SLC38A9: variants seen among roughly 807,000 people sequenced by gnomAD.
SLC38A9 encodes solute carrier family 38 member 9.
A neutral mutation model predicts 62.3 loss-of-function variants in SLC38A9; 48 were observed. The ratio of observed to expected loss-of-function variants is 0.77; its 90% CI spans 0.61 to 0.98. SLC38A9 has a LOEUF of 0.98. Among genes scored for constraint, SLC38A9 ranks in the 50% least tolerant of loss-of-function variants. SLC38A9 has a pLI of 0.00. For missense variants in SLC38A9, 541 were observed against 679.8 expected (o/e 0.80, Z 2.27); for synonymous variants, 204 against 227.7 (o/e 0.90, Z 0.94).
At chr5:55,670,031 C>T in intron 4 of SLC38A9, 152 bp from the exon 5 acceptor site, 1 of 544,130 alleles carries the variant, frequency 1.8e-6, no homozygotes, top group Non-Finnish European at 3.0e-6. Context: ...GTGACGCGAT[C>T]TCGGCTCACT....
intron 2 of SLC38A9, 121 bp from the exon 3 acceptor site, chr5:55,698,113 G>C (rs1420458950): frequency 2.2e-6 from 1 of 464,298 alleles, no homozygotes; most frequent in Non-Finnish European, 3.7e-6. Flanking sequence ...ATCTTAATGA[G>C]GTATATGCCT....
intron 3 of SLC38A9, among the ~76,000 whole-genome samples, chr5:55,673,010 C>T (rs1435460858): frequency 6.6e-6 from 1 of 151,928 alleles, no homozygotes; most frequent in Non-Finnish European, 1.5e-5. Context: ...TATCAATTTC[C>T]AACAATGAAA....
At position 55,696,766 on chromosome 5, in the gene SLC38A9, G is replaced by T. The variant is rs1205774998; in HGVS notation, c.113+1080C>A. 6.1e-5 allele frequency: 9 copies of T among 146,418 alleles called. No homozygotes were observed. In the East Asian group the frequency reaches 1.0e-3, roughly 16 times the overall value. The allele number at this position is 146,418 out of a possible 1,614,324, so 9.1% of individuals were successfully genotyped here. The stretch of plus-strand genomic sequence containing the variant: ...CGGAGACGCTCCTCACTTCCCAGAC[G>T]GGGTGGCTGCCGGGTGGAGAGGCTC... On this transcript the variant is annotated intron_variant, in intron 3 of 15. Coordinates refer to ENST00000396865, the MANE Select transcript of SLC38A9 (RefSeq NM_173514.4).
chr5:55,705,127 C>T (rs1333781544), intron 2 of SLC38A9, among the ~76,000 whole-genome samples: 1 of 152,070 alleles, frequency 6.6e-6, no homozygotes, highest in African/African-American at 2.4e-5. Context: ...ACAAAATCAG[C>T]TGATGTATCT....
intron 2 of SLC38A9, among the ~76,000 whole-genome samples, chr5:55,710,788 G>C (rs923497564): frequency 6.6e-6 from 1 of 151,132 alleles, no homozygotes; most frequent in Non-Finnish European, 1.5e-5. Flanking sequence ...GCTAATTTTG[G>C]TATTTTTTTT....
intron 7 of SLC38A9, among the ~76,000 whole-genome samples, chr5:55,668,800 G>A (rs1750852815): frequency 6.6e-6 from 1 of 152,168 alleles, no homozygotes; most frequent in Admixed American, 6.5e-5. Flanking sequence ...TTCATTACTA[G>A]GGAGTTGCTT....
At chr5:55,661,732 G>C (rs879811164) in intron 8 of SLC38A9, among the ~76,000 whole-genome samples, 2 of 151,972 alleles carry the variant, frequency 1.3e-5, no homozygotes, top group Non-Finnish European at 2.9e-5. Context: ...ATAACACAGA[G>C]CTACCATATA....
intron 3 of SLC38A9, among the ~76,000 whole-genome samples, chr5:55,674,838 T>C (rs923211895): frequency 3.3e-5 from 5 of 152,202 alleles, no homozygotes; most frequent in Non-Finnish European, 7.3e-5. Context: ...TCCCAAAGCA[T>C]TATGATGTCC....
intron 2 of SLC38A9, among the ~76,000 whole-genome samples, chr5:55,705,668 T>A (rs1218699219): frequency 6.6e-6 from 1 of 151,658 alleles, no homozygotes; most frequent in East Asian, 1.9e-4. Context: ...TTTAGTTTTG[T>A]AAATATAAAA....
chr5:55,645,907 AT>A lies in SLC38A9; in HGVS notation c.1061-13del. On this transcript the variant is annotated splice_polypyrimidine_tract_variant and intron_variant, in intron 11 of 15. Coordinates refer to ENST00000396865, the MANE Select transcript of SLC38A9 (RefSeq NM_173514.4). ...CTGAAATCTTATCTCTAGGAGAAAA[AT>A]AAAAACAAGAACATTAAAACTGACA... The A allele has an allele frequency of 6.5e-7, 1 of 1,548,000 alleles. No homozygotes were observed.
intron 1 of SLC38A9, among the ~76,000 whole-genome samples, 200 bp downstream of exon 1, chr5:55,712,017 G>A (rs555227666): frequency 1.3e-5 from 2 of 152,114 alleles, no homozygotes; most frequent in Non-Finnish European, 2.9e-5. Context: ...AGCGCGCGCC[G>A]TGCCTCCGGA....
chr5:55,676,097 A>G (rs970799055), intron 3 of SLC38A9, among the ~76,000 whole-genome samples: 3 of 152,210 alleles, frequency 2.0e-5, no homozygotes, highest in Admixed American at 2.0e-4. Context: ...TGAAGGACAC[A>G]TGGAGAACTT....
intron 3 of SLC38A9, among the ~76,000 whole-genome samples, chr5:55,689,670 C>G (rs1325271419): frequency 1.3e-5 from 2 of 152,188 alleles, no homozygotes; most frequent in Non-Finnish European, 2.9e-5. Flanking sequence ...TGATTTGGCC[C>G]TAACGAGTAC....
chr5:55,667,440 G>A (rs1233392527), intron 7 of SLC38A9, among the ~76,000 whole-genome samples: 1 of 152,016 alleles, frequency 6.6e-6, no homozygotes, highest in Non-Finnish European at 1.5e-5. Context: ...TCTATTAAGT[G>A]CCTTTTTGAT....
chr5:55,646,491 A>AT (rs1276800356), intron 11 of SLC38A9, among the ~76,000 whole-genome samples: 2 of 152,166 alleles, frequency 1.3e-5, no homozygotes, highest in African/African-American at 2.4e-5. Flanking sequence ...AAAGTCCTTC[A>AT]TTTTTTTAAT....
rs1323728849 is a variant in SLC38A9 at position 55,680,526 on chromosome 5, G to A, written c.114-7831C>T. Among the ~76,000 whole-genome samples the A allele has an allele frequency of 3.3e-5, 5 of 152,204 alleles. No individual in the cohort carries two copies. The East Asian group carries it at 5.8e-4, about 18-fold the overall frequency. ...GCTTGTTCTTCAGCTCTTCTGACAT[G>A]GATGACACAGCAACAAGGCCCGTGT... On this transcript the variant is annotated intron_variant, in intron 3 of 15. Coordinates refer to ENST00000396865, the MANE Select transcript of SLC38A9 (RefSeq NM_173514.4).
At chr5:55,695,202 A>T (rs1356596007) in intron 3 of SLC38A9, among the ~76,000 whole-genome samples, 2 of 151,940 alleles carry the variant, frequency 1.3e-5, no homozygotes, top group African/African-American at 4.8e-5. Flanking sequence ...AAATCCTCTA[A>T]ATCTTATTTT....
chr5:55,652,827 A>T, intron 9 of SLC38A9, 104 bp from the exon 10 acceptor site: 1 of 860,794 alleles, frequency 1.2e-6, no homozygotes, highest in Non-Finnish European at 1.7e-6. Context: ...TTGCTCTACC[A>T]ACCTCAACTC....
intron 10 of SLC38A9, among the ~76,000 whole-genome samples, chr5:55,650,276 A>G (rs1304666053): frequency 6.6e-6 from 1 of 152,216 alleles, no homozygotes; most frequent in Non-Finnish European, 1.5e-5. Context: ...GTAGAAGATT[A>G]TTCCTTTTAA....
Sources: allele counts gnomAD v4.1 joint callset (sites outside exome capture counted in the v4.1 genomes callset), GRCh38; gene constraint gnomAD v4.1.1; transcripts MANE v1.5; gene names NCBI Gene and HGNC (gene_info 2026-07-23, HGNC 2026-07-21).